Variants in DMRT1 observed in about 807,000 individuals in gnomAD.
The protein encoded by DMRT1 is doublesex and mab-3 related transcription factor 1.
A neutral mutation model predicts 32.3 loss-of-function variants in DMRT1; 7 were observed. The ratio of observed to expected loss-of-function variants is 0.22; its 90% confidence interval spans 0.12 to 0.41. The LOEUF (loss-of-function observed/expected upper bound fraction) is 0.41. DMRT1 is among the 10% of genes least tolerant of loss of function. The pLI is 1.00. For missense variants in DMRT1, 625 were observed against 500.5 expected (o/e 1.25, Z -2.37); for synonymous variants, 278 against 206.1 (o/e 1.35, Z -2.99).
At chr9:888,886 G>C (rs1200088444) in intron 2 of DMRT1, among the ~76,000 whole-genome samples, 4 of 151,966 alleles carry the variant, frequency 2.6e-5, no homozygotes, top group Non-Finnish European at 5.9e-5. Context: ...CAGCACTTTG[G>C]GAGGGTAAGG....
At chr9:905,723 C>A (rs932619708) in intron 3 of DMRT1, among the ~76,000 whole-genome samples, 1 of 152,098 alleles carries the variant, frequency 6.6e-6, no homozygotes, top group African/African-American at 2.4e-5. Context: ...CAGTGTCACG[C>A]TGCTGGGCAC....
intron 4 of DMRT1, among the ~76,000 whole-genome samples, chr9:959,689 G>A (rs1421131410): frequency 6.7e-6 from 1 of 150,188 alleles, no homozygotes; most frequent in Non-Finnish European, 1.5e-5. Context: ...TACTATGCCC[G>A]GCTAATTTTT....
At chr9:874,534 T>G (rs1432566687) in intron 2 of DMRT1, among the ~76,000 whole-genome samples, 1 of 152,174 alleles carries the variant, frequency 6.6e-6, no homozygotes, top group Non-Finnish European at 1.5e-5. Context: ...CATGCTATGT[T>G]AGATATTCTT....
chr9:937,737 C>T (rs2129892880), intron 4 of DMRT1, among the ~76,000 whole-genome samples: 1 of 152,088 alleles, frequency 6.6e-6, no homozygotes, highest in Middle Eastern at 3.4e-3. Flanking sequence ...TTATTATGTT[C>T]TGGATACAAA....
chr9:862,259 G>A (rs1815743948), intron 2 of DMRT1, among the ~76,000 whole-genome samples: 2 of 152,136 alleles, frequency 1.3e-5, no homozygotes, highest in Admixed American at 1.3e-4. Flanking sequence ...CGGCACCTCG[G>A]GAGGCCGAGG....
rs958243771 is a variant in DMRT1 at position 879,272 on chromosome 9, A to G, written c.539-14640A>G. Among the ~76,000 whole-genome samples the G allele has an allele frequency of 8.5e-5, 13 of 152,312 alleles. 1 individual carries two copies. Among genetic ancestry groups the G allele is most frequent in the African/African-American group, 2.6e-4 (11 of 41,568 alleles). On this transcript the variant is annotated intron_variant, in intron 2 of 4. Coordinates refer to ENST00000382276, the MANE Select transcript of DMRT1 (RefSeq NM_021951.3). ...TATGTGGGTTATATCTATCGATACC[A>G]TACTGGAAACTAAAATTGAGAAATG...
intron 2 of DMRT1, among the ~76,000 whole-genome samples, chr9:847,928 G>A (rs1362563065): frequency 6.6e-6 from 1 of 152,162 alleles, no homozygotes; most frequent in Non-Finnish European, 1.5e-5. Flanking sequence ...ATACAGCTAA[G>A]GGCTATCATA....
intron 4 of DMRT1, among the ~76,000 whole-genome samples, chr9:961,110 T>C (rs1819757795): frequency 6.6e-6 from 1 of 152,170 alleles, no homozygotes; most frequent in African/African-American, 2.4e-5. Context: ...GTCCAAGGTC[T>C]TCAGGTAGTA....
chr9:905,263 C>T (rs1488542064), intron 3 of DMRT1, among the ~76,000 whole-genome samples: 1 of 152,172 alleles, frequency 6.6e-6, no homozygotes, highest in Non-Finnish European at 1.5e-5. Context: ...TGCACAGCCT[C>T]CTGGAAGGGG....
intron 2 of DMRT1, among the ~76,000 whole-genome samples, chr9:874,283 T>C (rs12378651): frequency 0.61 from 92,331 of 151,904 alleles, 28,124 homozygotes; most frequent in Admixed American, 0.67. Flanking sequence ...TGGATCAGAA[T>C]ATCAGGATCA....
intron 2 of DMRT1, among the ~76,000 whole-genome samples, chr9:855,192 T>A (rs922368911): frequency 1.3e-5 from 2 of 152,150 alleles, no homozygotes; most frequent in African/African-American, 4.8e-5. Flanking sequence ...CTGTGGATAG[T>A]ATTTTAATAA....
At chr9:888,084 G>A (rs1817000861) in intron 2 of DMRT1, among the ~76,000 whole-genome samples, 1 of 152,188 alleles carries the variant, frequency 6.6e-6, no homozygotes, top group South Asian at 2.1e-4. Context: ...CTAACTGAAT[G>A]CCTGACAAAT....
chr9:905,001 G>GGA (rs1200338242), intron 3 of DMRT1, among the ~76,000 whole-genome samples: 3 of 152,202 alleles, frequency 2.0e-5, no homozygotes, highest in Non-Finnish European at 4.4e-5. Flanking sequence ...CAGAGCCCGG[G>GGA]GAGAACTGTG....
At chr9:872,100 C>T (rs926214444) in intron 2 of DMRT1, among the ~76,000 whole-genome samples, 1 of 151,214 alleles carries the variant, frequency 6.6e-6, no homozygotes, top group Admixed American at 6.6e-5. Flanking sequence ...CTCACTCTGT[C>T]ACCCAGGCTG....
At chr9:915,220 T>G (rs1818131507) in intron 3 of DMRT1, among the ~76,000 whole-genome samples, 2 of 152,228 alleles carry the variant, frequency 1.3e-5, no homozygotes, top group Non-Finnish European at 1.5e-5. Context: ...GCTCTGTTGT[T>G]GCCGTGAAGA....
chr9:873,611 G>A (rs773951383), intron 2 of DMRT1, among the ~76,000 whole-genome samples: 12 of 152,174 alleles, frequency 7.9e-5, no homozygotes, highest in South Asian at 2.1e-4. Context: ...GATCCACCGC[G>A]CCCAGCCTCT....
In DMRT1 at chr9:968,118, C is replaced by T. The variant is rs148941237; in HGVS notation, c.1101C>T (p.Pro367=). ...ASEPSSFTVT[P]VIEEDE ...AGCCCAGCAGCTTCACAGTCACTCC[C>T]GTCATCGAGGAGGACGAGTGAGCAG... The change falls in exon 5 of 5, where the codon CCC becomes CCT. Residue 367 remains proline, a synonymous_variant. Transcript: ENST00000382276. 24 of 1,613,456 alleles carry T rather than the reference C, an allele frequency of 1.5e-5. No homozygotes were observed. The highest frequency in any genetic ancestry group is 4.5e-5 in the East Asian group (2 of 44,870).
At chr9:941,817 A>G (rs1344192482) in intron 4 of DMRT1, among the ~76,000 whole-genome samples, 1 of 152,216 alleles carries the variant, frequency 6.6e-6, no homozygotes, top group Non-Finnish European at 1.5e-5. Flanking sequence ...CTCTTTATTT[A>G]TGTAGTAAGT....
intron 4 of DMRT1, among the ~76,000 whole-genome samples, chr9:952,249 C>G (rs1819450666): frequency 6.6e-6 from 1 of 152,158 alleles, no homozygotes; most frequent in African/African-American, 2.4e-5. Flanking sequence ...ATTACGTAAC[C>G]AAATTAGCGC....
Sources: gnomAD v4.1 joint callset for allele counts (sites outside exome capture counted in the v4.1 genomes callset) on GRCh38, gnomAD v4.1.1 for gene constraint, MANE v1.5 for transcripts, NCBI Gene and HGNC (gene_info 2026-07-23, HGNC 2026-07-21) for gene names.